The following LTBP4 variants were observed in gnomAD, a reference collection of about 807,000 sequenced individuals.
LTBP4 encodes the protein latent-transforming growth factor beta-binding protein 4.
LTBP4 carries 93 observed loss-of-function variants against 180.2 expected under a neutral mutation model. The observed-to-expected ratio is 0.52, with a 90% confidence interval of 0.44 to 0.61. The LOEUF is 0.61. LTBP4 is among the 20% of genes least tolerant of loss of function. The probability of loss-of-function intolerance (pLI) is 0.00; values close to 1 mark genes in which losing one functional copy is unlikely to be tolerated. For synonymous variants in LTBP4, 947 were observed against 934.5 expected, an observed-to-expected ratio of 1.01 and a Z score of -0.24; for missense variants, 2,116 against 2,256.5, an observed-to-expected ratio of 0.94 and a Z score of 1.26.
chr19:40,595,023 G>A (rs1418002108), intron 1 of LTBP4, among the ~76,000 whole-genome samples: 1 of 152,048 alleles, frequency 6.6e-6, no homozygotes, highest in Non-Finnish European at 1.5e-5. Flanking sequence ...TGTGGGTGGA[G>A]CCTGGGATCC....
At position 40,623,917 on chromosome 19, in the gene LTBP4, T is replaced by C; in HGVS notation, c.3686-19T>C. On this transcript the variant is annotated intron_variant, in intron 25 of 29. Transcript: ENST00000396819. Reference sequence around the variant, plus strand: ...TGGGGAGAGTTGAAGGGGATGCCTCTTAATCATCCTCTCCCTAGACAATGA... The same window carrying C: ...TGGGGAGAGTTGAAGGGGATGCCTCCTAATCATCCTCTCCCTAGACAATGA... The C allele has an allele frequency of 1.2e-6, 2 of 1,613,486 alleles. No individual in the cohort carries two copies. The highest frequency in any genetic ancestry group is 8.5e-7 in the Non-Finnish European group (1 of 1,179,558).
rs934087928 is a variant in LTBP4, at chr19:40,627,772, C to T, written c.4434C>T (p.Asn1478=). ...GCGGGATCCTGGACGGCTGCACCAACGGCCGCTGCGTGCGCGTCCCCGAAG... is the reference window on the plus strand; with the variant it reads ...GCGGGATCCTGGACGGCTGCACCAATGGCCGCTGCGTGCGCGTCCCCGAAG... ...EECGILDGCT[N]GRCVRVPEGF... Residue 1478 remains asparagine, a synonymous_variant, in exon 29 of 30, where the codon AAC becomes AAT. Transcript: ENST00000396819. 5.1e-6 allele frequency: 8 copies of T among 1,581,652 alleles called. No homozygotes were observed. The Middle Eastern group carries it at 5.0e-4, about 98-fold the overall frequency.
chr19:40,593,265 CAG>C, intron 1 of LTBP4: 1 of 1,535,824 alleles, frequency 6.5e-7, no homozygotes, highest in Non-Finnish European at 9.0e-7. Context: ...GTTTTTGAGA[CAG>C]GGTCTTGCTT....
At position 40,611,217 on chromosome 19, in the gene LTBP4, TC is replaced by T; in HGVS notation, c.1877del (p.Ser626PhefsTer118). On this transcript the variant is annotated frameshift_variant, in exon 13 of 30. Transcript: ENST00000396819. LOFTEE classifies it high-confidence loss of function. This position sits in a 1 kb window ranked among gnomAD's most constrained non-coding sequence, Gnocchi z 4.4. ...AGGGGCCTGCAAGAACCTGCCTGGCTCTTTCCGCTGTGTTTGCCCGGCTGGC... is the reference window on the plus strand; with the variant it reads ...AGGGGCCTGCAAGAACCTGCCTGGCTTTTCCGCTGTGTTTGCCCGGCTGGC... ...GRGACKNLPGSFRCVCPAGFR... is the reference protein window; with the variant it reads ...GRGACKNLPGXFRCVCPAGFR... 1 of 1,613,676 alleles carries T rather than the reference TC, an allele frequency of 6.2e-7. No homozygotes were observed. The highest frequency in any genetic ancestry group is 1.1e-5 in the South Asian group (1 of 91,070).
At position 40,622,243 on chromosome 19, in the gene LTBP4, CAG is replaced by C. The variant is rs753363361; in HGVS notation, c.3218-157_3218-156del. The C allele has an allele frequency of 1.2e-5, 9 of 734,260 alleles. No homozygotes were observed. The highest frequency in any genetic ancestry group is 1.9e-5 in the Non-Finnish European group (9 of 473,810). 45.5% of individuals were successfully genotyped at this position (734,260 alleles called of 1,614,324 possible). A position where few individuals can be genotyped will look rare whatever the true frequency, so the allele number is the denominator to read the frequency against. On this transcript the variant is annotated intron_variant, in intron 22 of 29. Coordinates refer to ENST00000396819, the MANE Select transcript of LTBP4 (RefSeq NM_001042545.2). The surrounding 1 kb of genome is among the most constrained non-coding windows in gnomAD (Gnocchi z 5.1). Reference sequence around the variant, plus strand: ...GAGGTGACAGTGGGAGAAAGAGAAACAGTGACAGAGGAGCGTGAGAGGTGTGG... The same window carrying C: ...GAGGTGACAGTGGGAGAAAGAGAAACTGACAGAGGAGCGTGAGAGGTGTGG...
chr19:40,625,232 A>G (rs1480143273), intron 26 of LTBP4, among the ~76,000 whole-genome samples: 1 of 121,438 alleles, frequency 8.2e-6, no homozygotes. Context: ...CCCGCCACCA[A>G]GCCTGGCTAA....
Position 40,623,935 on chromosome 19 carries a change from G to C in LTBP4, c.3686-1G>C. 1 of 1,613,948 alleles carries C rather than the reference G, an allele frequency of 6.2e-7. No individual in the cohort carries two copies. The highest frequency in any genetic ancestry group is 8.5e-7 in the Non-Finnish European group (1 of 1,179,856). ...ATGCCTCTTAATCATCCTCTCCCTA[G>C]ACAATGACGAGTGCGCCGATGAGGA... is the stretch of plus-strand genomic sequence containing the variant. On this transcript the variant is annotated splice_acceptor_variant, in intron 25 of 29. Transcript: ENST00000396819. LOFTEE classifies it high-confidence loss of function.
chr19:40,613,979 C>G lies in LTBP4; in HGVS notation c.2621C>G (p.Ser874Cys), dbSNP rs775003342. The G allele has an allele frequency of 5.0e-6, 8 of 1,613,740 alleles. No individual in the cohort carries two copies. Among genetic ancestry groups the G allele is most frequent in the Non-Finnish European group, 6.8e-6 (8 of 1,179,824 alleles). Residue 874 changes from serine to cysteine, a missense_variant, in exon 18 of 30, where the codon TCC becomes TGC. Ser to Cys is a moderately radical substitution (Grantham distance 112, BLOSUM62 -1). Transcript: ENST00000396819. This position sits in a 1 kb window ranked among gnomAD's most constrained non-coding sequence, Gnocchi z 5.0. ...GGCATCTGTACCAACACCGACGGCT[C>G]CTTCGAGTGCATCTGTCCTCCGGGA... ...QSGICTNTDGSFECICPPGHR... is the reference protein window; with the variant it reads ...QSGICTNTDGCFECICPPGHR...
chr19:40,610,372 C>T lies in LTBP4; in HGVS notation c.1685-160C>T, dbSNP rs2081496709. On this transcript the variant is annotated intron_variant, in intron 11 of 29. Transcript: ENST00000396819. ...TACCAAACCCTGCCCTCCACAATTG[C>T]CTCTCTCACTGTGCCCCTCTCCGGC... 3.8e-6 allele frequency: 3 copies of T among 785,270 alleles called. No individual in the cohort carries two copies. In the Admixed American group the frequency reaches 8.3e-5, roughly 22 times the overall value. 48.6% of individuals were successfully genotyped at this position (785,270 alleles called of 1,614,324 possible).
At position 40,613,821 on chromosome 19, in the gene LTBP4, A is replaced by T; in HGVS notation, c.2558-95A>T. The T allele has an allele frequency of 6.4e-7, 1 of 1,558,026 alleles. No individual in the cohort carries two copies. ...TGAGGCAGGTTGGGGAAGGCGTGAG[A>T]GGCCTAGGAGAGCCGAGGGGCGGTG... On this transcript the variant is annotated intron_variant, in intron 17 of 29. Transcript: ENST00000396819. This position sits in a 1 kb window ranked among gnomAD's most constrained non-coding sequence, Gnocchi z 5.0.
chr19:40,626,839 CG>C, intron 27 of LTBP4, 135 bp from the exon 28 acceptor site: 2 of 1,072,892 alleles, frequency 1.9e-6, no homozygotes, highest in Non-Finnish European at 2.5e-6. Flanking sequence ...AGATTCTCAG[CG>C]CTGGCTCCAG....
rs138008467 is a variant in LTBP4 at position 40,612,594 on chromosome 19, C to T, written c.2299+402C>T. On this transcript the variant is annotated intron_variant, in intron 15 of 29. Coordinates refer to ENST00000396819, the MANE Select transcript of LTBP4 (RefSeq NM_001042545.2). ...GGTCCTATCTCTTTCACAGCCCCTGCCTCTTCTCAGAATCCCTTCTCTGGA... is the reference window on the plus strand; with the variant it reads ...GGTCCTATCTCTTTCACAGCCCCTGTCTCTTCTCAGAATCCCTTCTCTGGA... 1.9e-3 allele frequency among the ~76,000 whole-genome samples: 288 copies of T among 152,272 alleles called. 1 individual carries two copies. The highest frequency in any genetic ancestry group is 6.5e-3 in the African/African-American group (271 of 41,546).
intron 25 of LTBP4, 61 bp downstream of exon 25, chr19:40,623,793 C>G: frequency 6.2e-7 from 1 of 1,606,412 alleles, no homozygotes; most frequent in Non-Finnish European, 8.5e-7. Flanking sequence ...CTTGCCAGCT[C>G]CCCTCTGGAA....
chr19:40,614,261 C>T, intron 18 of LTBP4, 54 bp from the exon 19 acceptor site: 1 of 1,573,570 alleles, frequency 6.4e-7, no homozygotes, highest in Non-Finnish European at 8.6e-7. Flanking sequence ...CTCTTTGTAT[C>T]CCCCATCTTG....
Position 40,609,506 on chromosome 19 carries a change from A to G in LTBP4, c.1427-24A>G. The G allele has an allele frequency of 1.9e-6, 3 of 1,607,522 alleles. No individual in the cohort carries two copies. The highest frequency in any genetic ancestry group is 2.6e-6 in the Non-Finnish European group (3 of 1,175,488). ...GAACGGAGGATTCAGAGATGGGGGA[A>G]CCCTGGCTGACTGGACCCCCCAGGT... On this transcript the variant is annotated intron_variant, in intron 9 of 29. Coordinates refer to ENST00000396819, the MANE Select transcript of LTBP4 (RefSeq NM_001042545.2). The surrounding 1 kb of genome is among the most constrained non-coding windows in gnomAD (Gnocchi z 4.9).
chr19:40,594,535 C>G (rs1219866240), intron 1 of LTBP4: 1 of 152,114 alleles, frequency 6.6e-6, no homozygotes, highest in Non-Finnish European at 1.5e-5. Flanking sequence ...GCGCCCCCAG[C>G]AAATGCTCCA....
chr19:40,625,279 TA>T (rs1568414349), intron 26 of LTBP4, among the ~76,000 whole-genome samples: 1,380 of 9,648 alleles, frequency 0.14, 383 homozygotes, highest in Non-Finnish European at 0.18. Context: ...TATATATATA[TA>T]TATATATATA....
chr19:40,623,174 C>T (rs1599876410), intron 24 of LTBP4, among the ~76,000 whole-genome samples, 153 bp downstream of exon 24: 1 of 138,370 alleles, frequency 7.2e-6, no homozygotes, highest in Non-Finnish European at 1.5e-5. Context: ...TCTTTTCTTT[C>T]TTTTTTTTTT....
chr19:40,605,475 G>C lies in LTBP4; in HGVS notation c.513G>C (p.Glu171Asp). ...CGTCGGTGGTGGTGCACCAGGTGGA[G>C]CGTGTGTCTGGCCCTTGGGAGGAGG... ...QEASVVVHQV[E>D]RVSGPWEEAD... Residue 171 changes from glutamate (E) to aspartate (D), a missense_variant, in exon 3 of 30, where the codon GAG (glutamate) becomes GAC (aspartate). Around this residue, in one of 5 missense-constraint regions of LTBP4, gnomAD observed 469 missense variants for 532.5 expected, o/e 0.88. Coordinates refer to ENST00000396819, the MANE Select transcript of LTBP4 (RefSeq NM_001042545.2). This position sits in a 1 kb window ranked among gnomAD's most constrained non-coding sequence, Gnocchi z 5.5. 3 of 1,612,372 alleles carry C rather than the reference G, an allele frequency of 1.9e-6. No homozygotes were observed. Among genetic ancestry groups the C allele is most frequent in the Middle Eastern group, 1.6e-4 (1 of 6,062 alleles).
Sources: gnomAD v4.1 joint callset for allele counts (sites outside exome capture counted in the v4.1 genomes callset) on GRCh38, gnomAD v4.1.1 for gene constraint, gnomAD v4.1.1 regional missense constraint, Gnocchi (gnomAD v3.1) non-coding constraint, MANE v1.5 for transcripts, NCBI Gene and HGNC (gene_info 2026-07-23, HGNC 2026-07-21) for gene names.